The following PPM1H variants were observed in gnomAD, a reference collection of about 807,000 sequenced individuals.
The protein encoded by PPM1H is protein phosphatase, Mg2+/Mn2+ dependent 1H, also known as protein phosphatase 1H.
PPM1H carries 27 observed loss-of-function variants against 54.9 expected under a neutral mutation model. The ratio of observed to expected loss-of-function variants is 0.49; its 90% confidence interval spans 0.36 to 0.68. The LOEUF (loss-of-function observed/expected upper bound fraction) is 0.68. Among genes scored for constraint, PPM1H ranks in the 30% least tolerant of loss-of-function variants. The pLI is 0.00. For missense variants in PPM1H, 596 were observed against 667.8 expected (o/e 0.89, Z 1.19); for synonymous variants, 305 against 270.8 (o/e 1.13, Z -1.24).
intron 4 of PPM1H, among the ~76,000 whole-genome samples, chr12:62,769,797 GT>G (rs35888063): frequency 0.049 from 7,531 of 152,244 alleles, 402 homozygotes; most frequent in African/African-American, 0.13. Context: ...TCTGTGATCG[GT>G]GCCTTTCTCC....
intron 4 of PPM1H, among the ~76,000 whole-genome samples, chr12:62,782,174 A>C (rs2076646544): frequency 6.6e-6 from 1 of 152,238 alleles, no homozygotes; most frequent in Non-Finnish European, 1.5e-5. Context: ...TAGATGAACC[A>C]CTTATTAGCA....
At chr12:62,773,854 G>T (rs2076593255) in intron 4 of PPM1H, among the ~76,000 whole-genome samples, 1 of 152,122 alleles carries the variant, frequency 6.6e-6, no homozygotes, top group South Asian at 2.1e-4. Context: ...CAGCTCTCAG[G>T]GGGAACCAAG....
At chr12:62,683,137 T>C (rs2076032353) in intron 8 of PPM1H, among the ~76,000 whole-genome samples, 1 of 151,066 alleles carries the variant, frequency 6.6e-6, no homozygotes. Context: ...CTTGAACTCC[T>C]GGGTTCAAAT....
chr12:62,910,481 C>T (rs1418782004), intron 1 of PPM1H, among the ~76,000 whole-genome samples: 1 of 151,824 alleles, frequency 6.6e-6, no homozygotes, highest in East Asian at 1.9e-4. Context: ...GACATTTTCT[C>T]TATTTCTTTT....
chr12:62,862,340 G>A (rs893858432), intron 1 of PPM1H, among the ~76,000 whole-genome samples: 85 of 152,132 alleles, frequency 5.6e-4, no homozygotes, highest in African/African-American at 1.7e-3. Context: ...AGAGGTTTTT[G>A]CATGAAAAAA....
At chr12:62,693,307 C>T (rs1224461783) in intron 7 of PPM1H, among the ~76,000 whole-genome samples, 1 of 152,134 alleles carries the variant, frequency 6.6e-6, no homozygotes, top group African/African-American at 2.4e-5. Context: ...TGACTGGAAC[C>T]CTGGGAGCTG....
chr12:62,656,280 C>A (rs1362616639), intron 9 of PPM1H, among the ~76,000 whole-genome samples: 1 of 152,144 alleles, frequency 6.6e-6, no homozygotes, highest in African/African-American at 2.4e-5. Flanking sequence ...CCTCTTGGAG[C>A]CCCTCTTTCC....
At chr12:62,681,516 G>A (rs923544472) in intron 8 of PPM1H, among the ~76,000 whole-genome samples, 1 of 152,156 alleles carries the variant, frequency 6.6e-6, no homozygotes, top group Non-Finnish European at 1.5e-5. Flanking sequence ...CTCTGGGGCA[G>A]TTAGCTTTAT....
intron 1 of PPM1H, among the ~76,000 whole-genome samples, chr12:62,883,765 G>GT (rs1470352684): frequency 1.3e-5 from 2 of 152,112 alleles, no homozygotes; most frequent in Non-Finnish European, 2.9e-5. Context: ...GGCAGTTTGA[G>GT]TTTTCAAAAA....
At chr12:62,723,798 T>A (rs2076276014) in intron 5 of PPM1H, among the ~76,000 whole-genome samples, 1 of 152,072 alleles carries the variant, frequency 6.6e-6, no homozygotes, top group South Asian at 2.1e-4. Context: ...CAGGTAAGAA[T>A]CCAAACGACA....
intron 1 of PPM1H, among the ~76,000 whole-genome samples, chr12:62,922,852 T>C (rs985138060): frequency 6.6e-6 from 1 of 152,220 alleles, no homozygotes; most frequent in Non-Finnish European, 1.5e-5. Context: ...TTCTGAAGTC[T>C]ATTGAAAGAG....
intron 8 of PPM1H, among the ~76,000 whole-genome samples, chr12:62,682,511 G>T (rs1051917092): frequency 6.6e-6 from 1 of 152,096 alleles, no homozygotes; most frequent in Admixed American, 6.6e-5. Context: ...AAAAAAGTAG[G>T]AATTCTAAGA....
chr12:62,710,922 C>T lies in PPM1H; in HGVS notation c.1073+9249G>A, dbSNP rs532109384. ...ATTATAGTATTAGAAACTCATCACG[C>T]GCTATTATATGCCAGGCTTTGTTCA... On this transcript the variant is annotated intron_variant, in intron 6 of 9. Transcript: ENST00000228705. 5.8e-4 allele frequency among the ~76,000 whole-genome samples: 89 copies of T among 152,322 alleles called. No individual in the cohort carries two copies. In the South Asian group the frequency reaches 0.016, roughly 28 times the overall value.
At chr12:62,730,971 G>C (rs895666248) in intron 5 of PPM1H, among the ~76,000 whole-genome samples, 1 of 152,152 alleles carries the variant, frequency 6.6e-6, no homozygotes, top group African/African-American at 2.4e-5. Context: ...GTATAGGTTG[G>C]ATTCTTTCAT....
intron 1 of PPM1H, among the ~76,000 whole-genome samples, chr12:62,903,128 A>T (rs368330449): frequency 3.3e-4 from 51 of 152,294 alleles, no homozygotes; most frequent in African/African-American, 1.2e-3. Flanking sequence ...TACACTGGCA[A>T]GAGTCCAGCT....
At chr12:62,649,599 G>A (rs910279966) in intron 9 of PPM1H, among the ~76,000 whole-genome samples, 1 of 152,092 alleles carries the variant, frequency 6.6e-6, no homozygotes, top group African/African-American at 2.4e-5. Context: ...ATTTGGTGTG[G>A]GATGGACTAT....
intron 4 of PPM1H, among the ~76,000 whole-genome samples, chr12:62,752,993 G>A (rs1205033029): frequency 6.6e-6 from 1 of 152,180 alleles, no homozygotes; most frequent in Non-Finnish European, 1.5e-5. Flanking sequence ...GGAGGGGCTG[G>A]TGAAGACACA....
chr12:62,781,533 G>C (rs1258897929), intron 4 of PPM1H, among the ~76,000 whole-genome samples: 1 of 152,236 alleles, frequency 6.6e-6, no homozygotes, highest in Non-Finnish European at 1.5e-5. Flanking sequence ...CCCAGGGGTA[G>C]ACTTTAGAGT....
intron 1 of PPM1H, among the ~76,000 whole-genome samples, chr12:62,865,182 T>C (rs186864862): frequency 6.6e-6 from 1 of 152,160 alleles, no homozygotes. Flanking sequence ...CCTAAGAAGG[T>C]GTCCTTTCAT....
Sources: allele counts gnomAD v4.1 joint callset (sites outside exome capture counted in the v4.1 genomes callset), GRCh38; gene constraint gnomAD v4.1.1; transcripts MANE v1.5; gene names NCBI Gene and HGNC (gene_info 2026-07-23, HGNC 2026-07-21).